The following ETV5 variants were observed in gnomAD, a reference collection of about 807,000 sequenced individuals.
ETV5 encodes ETS variant transcription factor 5, also known as ETS translocation variant 5.
A neutral mutation model predicts 70.0 loss-of-function variants in ETV5; 10 were observed. The ratio of observed to expected loss-of-function variants is 0.14; its 90% CI spans 0.09 to 0.24. The LOEUF is 0.24. Ranked by LOEUF, ETV5 falls within the 10% of genes least tolerant of loss-of-function variation. The probability of loss-of-function intolerance (pLI) is 1.00; values close to 1 mark genes in which losing one functional copy is unlikely to be tolerated. For missense variants in ETV5, 453 were observed against 651.2 expected (o/e 0.70, Z 3.31); for synonymous variants, 216 against 242.2 (o/e 0.89, Z 1.01).
chr3:186,063,235 A>T (rs1282065450), intron 9 of ETV5, among the ~76,000 whole-genome samples: 2 of 152,192 alleles, frequency 1.3e-5, no homozygotes, highest in African/African-American at 4.8e-5. Flanking sequence ...ATGCCACTGC[A>T]CTCCAGCCTG....
intron 9 of ETV5, among the ~76,000 whole-genome samples, chr3:186,062,967 A>C (rs1209441875): frequency 2.0e-5 from 3 of 152,178 alleles, no homozygotes; most frequent in Non-Finnish European, 4.4e-5. Context: ...AAGCTACAAA[A>C]GTTTATATTT....
chr3:186,064,136 C>T, intron 9 of ETV5: 2 of 448,654 alleles, frequency 4.5e-6, no homozygotes, highest in Non-Finnish European at 8.0e-6. Context: ...GGGGTCATTG[C>T]TAATGAAAAT....
At chr3:186,083,558 C>A (rs561835556) in intron 5 of ETV5, among the ~76,000 whole-genome samples, 1 of 152,112 alleles carries the variant, frequency 6.6e-6, no homozygotes, top group African/African-American at 2.4e-5. Context: ...AAGCTGCCAG[C>A]GAATTCTGAT....
intron 5 of ETV5, among the ~76,000 whole-genome samples, chr3:186,092,555 C>T (rs1262957604): frequency 6.6e-6 from 1 of 151,810 alleles, no homozygotes; most frequent in East Asian, 1.9e-4. Flanking sequence ...GCCTCAGCCT[C>T]CAGAGTAGGT....
At chr3:186,081,412 T>C (rs936051137) in intron 5 of ETV5, among the ~76,000 whole-genome samples, 2 of 152,204 alleles carry the variant, frequency 1.3e-5, no homozygotes, top group African/African-American at 2.4e-5. Context: ...AAGTCTTTTT[T>C]CCCAAATTTC....
At chr3:186,064,606 G>A in intron 8 of ETV5, 130 bp from the exon 9 acceptor site, 1 of 898,342 alleles carries the variant, frequency 1.1e-6, no homozygotes, top group African/African-American at 1.6e-5. Flanking sequence ...TTCTGGCTTT[G>A]TCCTGGGAAA....
Position 186,048,661 on chromosome 3 carries a change from T to C in ETV5, c.1511A>G (p.Tyr504Cys), listed in dbSNP as rs758570099. The change falls in exon 13 of 13, where the codon TAT becomes TGT. Residue 504 changes from tyrosine to cysteine, a missense_variant. This residue lies in a region of ETV5 where 74 missense variants were observed against 95.2 expected (regional missense o/e 0.78). Coordinates refer to ENST00000306376, the MANE Select transcript of ETV5 (RefSeq NM_004454.3). The stretch of plus-strand genomic sequence containing the variant: ...AACTTAGTAAGCAAAGCCTTCGGCA[T>C]AGGGGAGGCTGCTGCAGCGGTCCAT... Reference protein sequence around the residue: ...LDMDRCSSLPYAEGFAY With the variant: ...LDMDRCSSLPCAEGFAY 16 of 1,614,128 alleles carry C rather than the reference T, an allele frequency of 9.9e-6. No homozygotes were observed. The highest frequency in any genetic ancestry group is 6.7e-5 in the Admixed American group (4 of 60,026).
chr3:186,075,738 C>A (rs1379038485), intron 7 of ETV5, among the ~76,000 whole-genome samples: 1 of 152,252 alleles, frequency 6.6e-6, no homozygotes, highest in Non-Finnish European at 1.5e-5. Context: ...TACCACAATA[C>A]TGATGCCCTT....
chr3:186,052,849 T>C lies in ETV5; in HGVS notation c.1210-718A>G, dbSNP rs1713066394. On this transcript the variant is annotated intron_variant, in intron 11 of 12. Coordinates refer to ENST00000306376, the MANE Select transcript of ETV5 (RefSeq NM_004454.3). The surrounding 1 kb of genome is among the most constrained non-coding windows in gnomAD (Gnocchi z 4.5). ...ATTGGAGCTCTGGGCAAAGCAGCCT[T>C]CTAGCAGGAAAACTTCCTAGTAGAG... Among the ~76,000 whole-genome samples, 1 of 152,154 alleles carries C rather than the reference T, an allele frequency of 6.6e-6. No individual in the cohort carries two copies.
intron 7 of ETV5, among the ~76,000 whole-genome samples, chr3:186,072,528 T>C (rs79476867): frequency 0.018 from 2,807 of 152,316 alleles, 88 homozygotes; most frequent in African/African-American, 0.065. Context: ...CTGATTTTTA[T>C]TGGAGGTGGC....
rs557990570 is a variant in ETV5 at position 186,054,979 on chromosome 3, C to T, written c.1209+2096G>A. On this transcript the variant is annotated intron_variant, in intron 11 of 12. Transcript: ENST00000306376. This position sits in a 1 kb window ranked among gnomAD's most constrained non-coding sequence, Gnocchi z 4.4. The stretch of plus-strand genomic sequence containing the variant: ...GAAGAAACAAAGCTGCCCGGTCAAC[C>T]GAGGGAGGCTCAAGGACACCACAGG... 3.3e-5 allele frequency among the ~76,000 whole-genome samples: 5 copies of T among 152,302 alleles called. No homozygotes were observed. The highest frequency in any genetic ancestry group is 6.5e-5 in the Admixed American group (1 of 15,306).
At chr3:186,094,727 T>C (rs1423964643) in intron 5 of ETV5, among the ~76,000 whole-genome samples, 1 of 152,206 alleles carries the variant, frequency 6.6e-6, no homozygotes, top group African/African-American at 2.4e-5. Flanking sequence ...GGCTCTTCCA[T>C]TAAAAATATT....
chr3:186,079,606 G>A (rs1284417091), intron 7 of ETV5, among the ~76,000 whole-genome samples: 5 of 152,150 alleles, frequency 3.3e-5, no homozygotes, highest in African/African-American at 7.2e-5. Flanking sequence ...TAAGGATGTC[G>A]TAGTCCATCA....
At chr3:186,101,608 C>G (rs554757036) in intron 5 of ETV5, among the ~76,000 whole-genome samples, 4 of 152,206 alleles carry the variant, frequency 2.6e-5, no homozygotes, top group Non-Finnish European at 5.9e-5. Flanking sequence ...AGATGCTTTC[C>G]TGAACACCAT....
Position 186,074,823 on chromosome 3 carries a change from T to G in ETV5, c.650+4994A>C, listed in dbSNP as rs553164499. ...CAGCTATGCACCCAGATGGCGCCAC[T>G]GCACTCCAGCCTGGGCGACAGTTAG... On this transcript the variant is annotated intron_variant, in intron 7 of 12. Coordinates refer to ENST00000306376, the MANE Select transcript of ETV5 (RefSeq NM_004454.3). 3.9e-5 allele frequency among the ~76,000 whole-genome samples: 5 copies of G among 129,850 alleles called. 1 individual carries two copies. The South Asian group carries it at 1.2e-3, about 31-fold the overall frequency. 85.2% of individuals were successfully genotyped at this position (129,850 alleles called of 152,430 possible).
At chr3:186,107,776 C>A (rs1337552502) in intron 1 of ETV5, among the ~76,000 whole-genome samples, 1 of 151,904 alleles carries the variant, frequency 6.6e-6, no homozygotes, top group Non-Finnish European at 1.5e-5. Context: ...AATGGGAGAG[C>A]GAGCCGCGGC....
At chr3:186,075,045 T>C (rs1183118838) in intron 7 of ETV5, among the ~76,000 whole-genome samples, 1 of 152,198 alleles carries the variant, frequency 6.6e-6, no homozygotes, top group Non-Finnish European at 1.5e-5. Context: ...TAAAAAACTT[T>C]CAGTAAACTG....
At chr3:186,108,765 A>G in intron 1 of ETV5, 175 bp downstream of exon 1, 1 of 611,516 alleles carries the variant, frequency 1.6e-6, no homozygotes, top group Non-Finnish European at 2.2e-6. Context: ...CAGGAACCAA[A>G]CCGGACCGGG....
At chr3:186,066,289 A>G (rs1713444449) in intron 7 of ETV5, among the ~76,000 whole-genome samples, 1 of 149,478 alleles carries the variant, frequency 6.7e-6, no homozygotes, top group South Asian at 2.1e-4. Flanking sequence ...AATCAAAGCA[A>G]TGATGTGGTA....
Sources: allele counts gnomAD v4.1 joint callset (sites outside exome capture counted in the v4.1 genomes callset), GRCh38; gene constraint gnomAD v4.1.1; regional missense constraint gnomAD v4.1.1; non-coding constraint Gnocchi (gnomAD v3.1); transcripts MANE v1.5; gene names NCBI Gene and HGNC (gene_info 2026-07-23, HGNC 2026-07-21).